BRWD1: variants seen among roughly 807,000 people sequenced by gnomAD.
BRWD1 encodes bromodomain and WD repeat-containing protein 1.
In BRWD1, 82 loss-of-function variants were observed where a neutral mutation model predicts 251.2. The ratio of observed to expected loss-of-function variants is 0.33; its 90% CI spans 0.27 to 0.39. The LOEUF (loss-of-function observed/expected upper bound fraction) is 0.39, where lower values mean the gene tolerates loss of function less well. BRWD1 is among the 10% of genes least tolerant of loss of function. The pLI is 1.00. For synonymous variants in BRWD1, 918 were observed against 902.8 expected, an observed-to-expected ratio of 1.02 and a Z score of -0.30; for missense variants, 2,233 against 2,711.6, an observed-to-expected ratio of 0.82 and a Z score of 3.92.
chr21:39,253,087 T>A (rs1216951896), intron 19 of BRWD1, among the ~76,000 whole-genome samples: 1 of 151,902 alleles, frequency 6.6e-6, no homozygotes, highest in African/African-American at 2.4e-5. Context: ...GACAGGAGTT[T>A]GAGACCAGCC....
At chr21:39,217,072 TATATATA>T (rs1462428212) in intron 31 of BRWD1, 7 of 11,226 alleles carry the variant, frequency 6.2e-4, no homozygotes, top group South Asian at 3.4e-3. Flanking sequence ...TATATATATA[TATATATA>T]TATATTTTTT....
chr21:39,258,572 C>G lies in BRWD1; in HGVS notation c.1986G>C (p.Leu662Phe). 2.5e-6 allele frequency: 4 copies of G among 1,613,652 alleles called. No individual in the cohort carries two copies. The highest frequency in any genetic ancestry group is 3.4e-6 in the Non-Finnish European group (4 of 1,179,740). ...SSILDGMIRQLQQQQDQRMGA... is the reference protein window; with the variant it reads ...SSILDGMIRQFQQQQDQRMGA... ...CCATTCTCTGATCTTGCTGCTGCTG[C>G]AACTGTCTTATCATTCCATCAAGAA... The change falls in exon 18 of 41, where the codon TTG (leucine) becomes TTC (phenylalanine). Residue 662 changes from leucine (L) to phenylalanine (F), a missense_variant. By Grantham distance (22) the Leu-to-Phe change is conservative (BLOSUM62 0). Transcript: ENST00000342449.
intron 8 of BRWD1, among the ~76,000 whole-genome samples, chr21:39,289,715 G>A (rs1027958118): frequency 1.3e-5 from 2 of 152,014 alleles, no homozygotes; most frequent in South Asian, 2.1e-4. Flanking sequence ...ATCAACTTCC[G>A]TTACTTCTAT....
At chr21:39,270,871 G>A (rs886487382) in intron 13 of BRWD1, among the ~76,000 whole-genome samples, 4 of 152,190 alleles carry the variant, frequency 2.6e-5, no homozygotes, top group Non-Finnish European at 5.9e-5. Context: ...ACACACAGAT[G>A]TTCAATCTGA....
At chr21:39,260,342 C>T (rs1009849727) in intron 17 of BRWD1, among the ~76,000 whole-genome samples, 2 of 152,068 alleles carry the variant, frequency 1.3e-5, no homozygotes, top group Admixed American at 6.6e-5. Context: ...TGCTATATTG[C>T]CCAGGCTGGT....
intron 4 of BRWD1, among the ~76,000 whole-genome samples, chr21:39,306,690 T>TA (rs1393381268): frequency 6.6e-6 from 1 of 152,206 alleles, no homozygotes; most frequent in East Asian, 1.9e-4. Context: ...AGTCCTTTTG[T>TA]GTGAGGAACA....
chr21:39,296,611 C>T, intron 5 of BRWD1: 1 of 1,047,698 alleles, frequency 9.5e-7, no homozygotes, highest in South Asian at 4.5e-5. Flanking sequence ...GTGCTTTCAA[C>T]ATACATTAGC....
At chr21:39,307,903 T>C (rs1304772121) in intron 4 of BRWD1, among the ~76,000 whole-genome samples, 4 of 152,192 alleles carry the variant, frequency 2.6e-5, no homozygotes, top group Non-Finnish European at 5.9e-5. Flanking sequence ...TATCATTCTA[T>C]AGGTATTTCA....
intron 23 of BRWD1, among the ~76,000 whole-genome samples, chr21:39,232,874 T>C (rs1433871435): frequency 6.6e-6 from 1 of 152,210 alleles, no homozygotes; most frequent in Admixed American, 6.5e-5. Context: ...CTCTTGATTT[T>C]AGGTTGTAAG....
Position 39,218,520 on chromosome 21 carries a change from G to C in BRWD1, c.3523C>G (p.Gln1175Glu). The change falls in exon 30 of 41, where the codon CAA becomes GAA. Residue 1175 changes from glutamine (Q) to glutamate (E), a missense_variant. Around this residue, in one of 12 missense-constraint regions of BRWD1, gnomAD observed 167 missense variants for 183.2 expected, o/e 0.91. Transcript: ENST00000342449. Reference protein sequence around the residue: ...ECDRIISGIDQLLNLDIAAAF... With the variant: ...ECDRIISGIDELLNLDIAAAF... The stretch of plus-strand genomic sequence containing the variant: ...AAAAACTTACCAAGATTCAAAAGTT[G>C]ATCTATACCACTGATAATTCTATCA... 1 of 1,588,784 alleles carries C rather than the reference G, an allele frequency of 6.3e-7. No individual in the cohort carries two copies. The highest frequency in any genetic ancestry group is 8.5e-7 in the Non-Finnish European group (1 of 1,173,736).
chr21:39,261,657 C>T (rs1166817837), intron 17 of BRWD1, among the ~76,000 whole-genome samples: 1 of 151,868 alleles, frequency 6.6e-6, no homozygotes, highest in Non-Finnish European at 1.5e-5. Context: ...CTGCAAACCA[C>T]ACATTGACAA....
intron 19 of BRWD1, among the ~76,000 whole-genome samples, chr21:39,254,663 T>C (rs2034504307): frequency 6.6e-6 from 1 of 152,234 alleles, no homozygotes; most frequent in South Asian, 2.1e-4. Flanking sequence ...TAAGTATACT[T>C]GGGTTTCTTT....
rs146778195 is a variant in BRWD1 at position 39,187,403 on chromosome 21, C to G, written c.*8856G>C. ...CTCACTTTTGTATTGGGTTCTCTGT[C>G]TCTAGGAACAAATTCTGAAAAATGA... On this transcript the variant is annotated 3_prime_UTR_variant, in exon 41 of 41. Transcript: ENST00000342449. The G allele has an allele frequency of 3.1e-5, 48 of 1,556,572 alleles. 1 individual carries two copies. In the South Asian group the frequency reaches 5.8e-4, roughly 19 times the overall value.
intron 38 of BRWD1, among the ~76,000 whole-genome samples, chr21:39,201,384 A>G (rs766423387): frequency 6.6e-6 from 1 of 152,152 alleles, no homozygotes; most frequent in Non-Finnish European, 1.5e-5. Context: ...CCTGAAACAT[A>G]ATGTGACTCT....
At chr21:39,286,274 T>TC (rs1200877269) in intron 8 of BRWD1, among the ~76,000 whole-genome samples, 2 of 152,102 alleles carry the variant, frequency 1.3e-5, no homozygotes, top group African/African-American at 2.4e-5. Context: ...CGCCTCGGCC[T>TC]CCCAAAGTGC....
intron 23 of BRWD1, among the ~76,000 whole-genome samples, chr21:39,234,584 CATAAT>C (rs978649338): frequency 2.6e-5 from 4 of 152,122 alleles, no homozygotes; most frequent in Admixed American, 2.0e-4. Context: ...AGCCAAAAAG[CATAAT>C]ATGAGACCCC....
intron 4 of BRWD1, among the ~76,000 whole-genome samples, chr21:39,300,213 C>T (rs1276350286): frequency 6.6e-6 from 1 of 152,220 alleles, no homozygotes; most frequent in East Asian, 1.9e-4. Flanking sequence ...CTGCATAGGG[C>T]CCAAACACTA....
chr21:39,239,898 C>G (rs146867103), intron 21 of BRWD1, among the ~76,000 whole-genome samples: 433 of 152,150 alleles, frequency 2.8e-3, no homozygotes, highest in African/African-American at 0.01. Context: ...GATGTTTACC[C>G]AAATGAGGTG....
chr21:39,276,308 T>G, intron 11 of BRWD1, 95 bp from the exon 12 acceptor site: 2 of 1,120,736 alleles, frequency 1.8e-6, no homozygotes, highest in Non-Finnish European at 2.5e-6. Flanking sequence ...CTATTTGCTT[T>G]AACAAGCAAA....
Sources: gnomAD v4.1 joint callset for allele counts (sites outside exome capture counted in the v4.1 genomes callset) on GRCh38, gnomAD v4.1.1 for gene constraint, gnomAD v4.1.1 regional missense constraint, MANE v1.5 for transcripts, NCBI Gene and HGNC (gene_info 2026-07-23, HGNC 2026-07-21) for gene names.